Variants in KCNH8 observed in about 807,000 individuals in gnomAD.
KCNH8 encodes potassium voltage-gated channel subfamily H member 8.
A neutral mutation model predicts 103.6 loss-of-function variants in KCNH8; 70 were observed. The ratio of observed to expected loss-of-function variants is 0.68; its 90% confidence interval spans 0.56 to 0.82. The LOEUF (loss-of-function observed/expected upper bound fraction) is 0.82. KCNH8 is among the 40% of genes least tolerant of loss of function. The pLI is 0.00. For missense variants in KCNH8, 1,217 were observed against 1,329.9 expected (o/e 0.92, Z 1.32); for synonymous variants, 498 against 489.4 (o/e 1.02, Z -0.23).
chr3:19,351,188 A>C (rs968854031), intron 5 of KCNH8, among the ~76,000 whole-genome samples: 1 of 152,096 alleles, frequency 6.6e-6, no homozygotes, highest in African/African-American at 2.4e-5. Context: ...TTAGAGAAAA[A>C]AGATTAAAAA....
In KCNH8 at chr3:19,387,936, GT is replaced by G. The variant is rs140479623; in HGVS notation, c.812-2534del. Reference sequence around the variant, plus strand: ...TGACTTACCCAAGAAAATACCTGTTGTTTTTTTTTTTCAGAAGTCTGAACCA... The same window carrying G: ...TGACTTACCCAAGAAAATACCTGTTGTTTTTTTTTTCAGAAGTCTGAACCA... On this transcript the variant is annotated intron_variant, in intron 5 of 15. Transcript: ENST00000328405. Among the ~76,000 whole-genome samples the G allele has an allele frequency of 2.8e-3, 395 of 142,370 alleles. 2 individuals are homozygous for G. Among genetic ancestry groups the G allele is most frequent in the African/African-American group, 9.0e-3 (352 of 39,198 alleles). The allele number at this position is 142,370 out of a possible 152,430, so 93.4% of individuals were successfully genotyped here. A position where few individuals can be genotyped will look rare whatever the true frequency, so the allele number is the denominator to read the frequency against.
chr3:19,443,227 G>A (rs1438407882), intron 8 of KCNH8, among the ~76,000 whole-genome samples: 5 of 151,424 alleles, frequency 3.3e-5, no homozygotes, highest in African/African-American at 1.2e-4. Flanking sequence ...ATGAGAAAGG[G>A]GACTGGCAAA....
At chr3:19,478,488 G>T (rs2068021539) in intron 11 of KCNH8, among the ~76,000 whole-genome samples, 1 of 151,936 alleles carries the variant, frequency 6.6e-6, no homozygotes, top group Non-Finnish European at 1.5e-5. Flanking sequence ...ATGTAAGATG[G>T]TATCTCATTG....
intron 1 of KCNH8, among the ~76,000 whole-genome samples, chr3:19,149,827 T>C (rs1481641594): frequency 6.6e-6 from 1 of 152,236 alleles, no homozygotes; most frequent in East Asian, 1.9e-4. Context: ...TTCTTAGTGG[T>C]TCAAGTGTCA....
chr3:19,185,535 C>T (rs75675299), intron 1 of KCNH8, among the ~76,000 whole-genome samples: 4,045 of 151,858 alleles, frequency 0.027, 205 homozygotes, highest in African/African-American at 0.09. Context: ...GTAGGATTTG[C>T]GTATATTTTC....
At chr3:19,407,953 C>T (rs914704894) in intron 7 of KCNH8, among the ~76,000 whole-genome samples, 5 of 152,094 alleles carry the variant, frequency 3.3e-5, no homozygotes, top group African/African-American at 1.2e-4. Context: ...GTGCTTGTGC[C>T]TGCCATCAGG....
intron 4 of KCNH8, among the ~76,000 whole-genome samples, chr3:19,347,193 C>T (rs776002594): frequency 2.6e-5 from 4 of 151,980 alleles, no homozygotes; most frequent in African/African-American, 4.8e-5. Flanking sequence ...GTAGTTAGCA[C>T]GACTTGGCTA....
chr3:19,153,895 G>C (rs1034665399), intron 1 of KCNH8, among the ~76,000 whole-genome samples: 4 of 151,880 alleles, frequency 2.6e-5, no homozygotes, highest in African/African-American at 9.7e-5. Flanking sequence ...CCCTCCCAAA[G>C]TGCTGGGATT....
chr3:19,377,111 A>G (rs151040341), intron 5 of KCNH8, among the ~76,000 whole-genome samples: 2 of 152,360 alleles, frequency 1.3e-5, no homozygotes, highest in East Asian at 3.9e-4. Context: ...ATGCTAGGCA[A>G]TGATGAATCC....
chr3:19,372,489 T>C (rs947049468), intron 5 of KCNH8, among the ~76,000 whole-genome samples: 3 of 151,956 alleles, frequency 2.0e-5, no homozygotes, highest in Admixed American at 6.6e-5. Flanking sequence ...CTGAAGTTGC[T>C]TATCAGCTTA....
At chr3:19,459,341 A>G (rs910756157) in intron 11 of KCNH8, among the ~76,000 whole-genome samples, 5 of 151,964 alleles carry the variant, frequency 3.3e-5, no homozygotes, top group Admixed American at 2.0e-4. Flanking sequence ...AGCAATATTG[A>G]GCATATTTTC....
chr3:19,151,032 A>G (rs1318463026), intron 1 of KCNH8, among the ~76,000 whole-genome samples: 1 of 151,566 alleles, frequency 6.6e-6, no homozygotes, highest in Non-Finnish European at 1.5e-5. Flanking sequence ...TTTCTTTTTG[A>G]ATAGCAGGAT....
At chr3:19,345,198 A>C (rs2065713996) in intron 4 of KCNH8, among the ~76,000 whole-genome samples, 1 of 152,112 alleles carries the variant, frequency 6.6e-6, no homozygotes, top group Non-Finnish European at 1.5e-5. Context: ...TGTTTTCAAC[A>C]CAAAGAAATA....
At chr3:19,300,378 G>A (rs1017007532) in intron 3 of KCNH8, among the ~76,000 whole-genome samples, 1 of 152,088 alleles carries the variant, frequency 6.6e-6, no homozygotes, top group Non-Finnish European at 1.5e-5. Flanking sequence ...CTCACCATGG[G>A]GCAAGTTGAT....
At chr3:19,407,515 C>A (rs1280408273) in intron 7 of KCNH8, among the ~76,000 whole-genome samples, 1 of 152,104 alleles carries the variant, frequency 6.6e-6, no homozygotes, top group Admixed American at 6.6e-5. Context: ...TGCCCCACCC[C>A]TCCTGTGAAG....
intron 5 of KCNH8, among the ~76,000 whole-genome samples, chr3:19,354,024 A>G (rs2065843453): frequency 1.3e-5 from 2 of 152,234 alleles, no homozygotes; most frequent in South Asian, 4.1e-4. Context: ...CTGATAAGCA[A>G]CTTCAGCAAA....
rs143453283 is a variant in KCNH8, at chr3:19,482,022, C to T, written c.2040+25040C>T. Among the ~76,000 whole-genome samples, 900 of 152,218 alleles carry T rather than the reference C, an allele frequency of 5.9e-3. 8 individuals carry two copies. The highest frequency in any genetic ancestry group is 0.02 in the African/African-American group (829 of 41,542). ...TCACGTCTCCAAAAACCGAGCTCCC[C>T]GAGTGAGCAATTCTTGTCCCTTTTA... On this transcript the variant is annotated intron_variant, in intron 11 of 15. Transcript: ENST00000328405.
chr3:19,419,189 G>GTTT (rs1559318795), intron 7 of KCNH8, among the ~76,000 whole-genome samples: 8 of 129,662 alleles, frequency 6.2e-5, no homozygotes, highest in African/African-American at 2.3e-4. Flanking sequence ...AATTAAAATG[G>GTTT]TTTTGGTTTT....
At chr3:19,183,373 T>C (rs773484650) in intron 1 of KCNH8, among the ~76,000 whole-genome samples, 53 of 152,120 alleles carry the variant, frequency 3.5e-4, no homozygotes, top group Non-Finnish European at 6.9e-4. Flanking sequence ...GATGGCAAGG[T>C]TTATTATACA....
Sources: gnomAD v4.1 joint callset for allele counts (sites outside exome capture counted in the v4.1 genomes callset) on GRCh38, gnomAD v4.1.1 for gene constraint, MANE v1.5 for transcripts, NCBI Gene and HGNC (gene_info 2026-07-23, HGNC 2026-07-21) for gene names.